The following RARB variants were observed in gnomAD, a reference collection of about 807,000 sequenced individuals.
RARB encodes retinoic acid receptor beta.
Under a neutral mutation model 51.9 loss-of-function variants are expected in RARB, and 17 were observed. The ratio of observed to expected loss-of-function variants is 0.33; its 90% CI spans 0.22 to 0.49. The LOEUF (loss-of-function observed/expected upper bound fraction) is 0.49. Among genes scored for constraint, RARB ranks in the 20% least tolerant of loss-of-function variants. The probability of loss-of-function intolerance (pLI) is 0.99; values close to 1 mark genes in which losing one functional copy is unlikely to be tolerated. For missense variants in RARB, 369 were observed against 550.8 expected, an observed-to-expected ratio of 0.67 and a Z score of 3.30; for synonymous variants, 215 against 195.4, an observed-to-expected ratio of 1.10 and a Z score of -0.84.
At chr3:25,311,317 C>T (rs1197178991) in intron 5 of RARB, among the ~76,000 whole-genome samples, 1 of 152,194 alleles carries the variant, frequency 6.6e-6, no homozygotes, top group African/African-American at 2.4e-5. Flanking sequence ...TTCTGAACCG[C>T]CCTGTGTGGA....
intron 2 of RARB, among the ~76,000 whole-genome samples, chr3:25,475,465 G>A (rs1222082987): frequency 6.6e-6 from 1 of 152,062 alleles, no homozygotes; most frequent in Non-Finnish European, 1.5e-5. Context: ...TTACTATTAA[G>A]TAATTAGTAT....
At chr3:24,914,002 A>C (rs1202770539) in intron 2 of RARB, among the ~76,000 whole-genome samples, 3 of 152,230 alleles carry the variant, frequency 2.0e-5, no homozygotes, top group Non-Finnish European at 4.4e-5. Flanking sequence ...AGTCAGCCAG[A>C]TGCAAAAGGT....
At chr3:24,971,743 C>G (rs996433816) in intron 2 of RARB, among the ~76,000 whole-genome samples, 11 of 151,930 alleles carry the variant, frequency 7.2e-5, no homozygotes, top group African/African-American at 2.7e-4. Context: ...ATAACTTGGG[C>G]TTGGTATGCG....
chr3:24,928,036 T>A (rs768992737), intron 2 of RARB, among the ~76,000 whole-genome samples: 26 of 152,204 alleles, frequency 1.7e-4, no homozygotes, highest in Admixed American at 5.9e-4. Context: ...CAAGGGGTTA[T>A]AAATATTTTT....
At chr3:25,178,317 A>G (rs1386233973) in intron 5 of RARB, among the ~76,000 whole-genome samples, 2 of 152,118 alleles carry the variant, frequency 1.3e-5, no homozygotes, top group Non-Finnish European at 2.9e-5. Context: ...GGGGAGTTAA[A>G]ATATGTAATT....
At chr3:25,052,299 CCTAA>C (rs1698348359) in intron 2 of RARB, among the ~76,000 whole-genome samples, 1 of 152,142 alleles carries the variant, frequency 6.6e-6, no homozygotes, top group Non-Finnish European at 1.5e-5. Flanking sequence ...GACCATCACA[CCTAA>C]CTGCCTCCCA....
intron 5 of RARB, among the ~76,000 whole-genome samples, chr3:25,309,374 C>T (rs1436868389): frequency 1.3e-5 from 2 of 150,474 alleles, no homozygotes; most frequent in African/African-American, 2.4e-5. Context: ...CTCCTGACCT[C>T]GTGATCCACC....
At chr3:25,488,701 A>G (rs1696586438) in intron 2 of RARB, among the ~76,000 whole-genome samples, 2 of 152,248 alleles carry the variant, frequency 1.3e-5, no homozygotes, top group Admixed American at 6.5e-5. Flanking sequence ...TAATTTTGAT[A>G]CAGGAAATAG....
chr3:25,475,953 C>T (rs1211590295), intron 2 of RARB, among the ~76,000 whole-genome samples: 1 of 152,208 alleles, frequency 6.6e-6, no homozygotes, highest in Non-Finnish European at 1.5e-5. Context: ...GTCACTCACA[C>T]CATGTGTCCA....
intron 2 of RARB, among the ~76,000 whole-genome samples, chr3:25,008,316 T>G (rs1697319507): frequency 6.6e-6 from 1 of 152,154 alleles, no homozygotes; most frequent in Non-Finnish European, 1.5e-5. Context: ...CTCTCCTATT[T>G]ACCCATTTCC....
chr3:25,593,743 TGAA>T (rs763099706), intron 6 of RARB, 36 bp downstream of exon 6: 23 of 1,587,478 alleles, frequency 1.4e-5, no homozygotes, highest in Non-Finnish European at 1.9e-5. Flanking sequence ...TGAAATTCCA[TGAA>T]GAACAGTTTA....
intron 5 of RARB, among the ~76,000 whole-genome samples, chr3:25,355,047 A>C (rs1285072070): frequency 6.6e-6 from 1 of 152,162 alleles, no homozygotes; most frequent in African/African-American, 2.4e-5. Context: ...CTGGGTCTAC[A>C]GTCAACATCC....
At chr3:25,488,060 A>G (rs1182644151) in intron 2 of RARB, among the ~76,000 whole-genome samples, 1 of 152,210 alleles carries the variant, frequency 6.6e-6, no homozygotes, top group African/African-American at 2.4e-5. Flanking sequence ...TGTTGACAGT[A>G]TGGGGAATTG....
At chr3:25,065,431 A>G (rs967885784) in intron 3 of RARB, among the ~76,000 whole-genome samples, 4 of 152,194 alleles carry the variant, frequency 2.6e-5, no homozygotes, top group Non-Finnish European at 5.9e-5. Context: ...AGTAGAATAA[A>G]TGAATCTTTG....
chr3:25,287,532 G>A (rs571981783), intron 5 of RARB, among the ~76,000 whole-genome samples: 1 of 152,226 alleles, frequency 6.6e-6, no homozygotes, highest in Admixed American at 6.5e-5. Flanking sequence ...ATCCTATCCT[G>A]GTCCACACAC....
chr3:25,234,364 C>T (rs908009384), intron 5 of RARB, among the ~76,000 whole-genome samples: 3 of 151,996 alleles, frequency 2.0e-5, no homozygotes, highest in Non-Finnish European at 2.9e-5. Flanking sequence ...TAGTGATATC[C>T]TCTCTTTTAT....
chr3:25,401,743 T>C (rs1255097758), intron 5 of RARB, among the ~76,000 whole-genome samples: 4 of 152,106 alleles, frequency 2.6e-5, no homozygotes, highest in African/African-American at 9.7e-5. Flanking sequence ...GGATGGAAAA[T>C]GCAGAAAACA....
rs1188526450 is a variant in RARB, at chr3:24,982,373, G to C, written c.-379-77752G>C. Among the ~76,000 whole-genome samples, 6 of 152,258 alleles carry C rather than the reference G, an allele frequency of 3.9e-5. No individual in the cohort carries two copies. The South Asian group carries it at 1.0e-3, about 26-fold the overall frequency. ...TTCTCAGAGTGTAAGAGAGCTTCAG[G>C]CTTCCTTCCAAACCAGAGTGGAACC... On this transcript the variant is annotated intron_variant, in intron 2 of 11. Coordinates refer to the RARB transcript ENST00000383772.
chr3:25,561,778 G>A (rs1300161462), intron 3 of RARB, among the ~76,000 whole-genome samples: 1 of 152,070 alleles, frequency 6.6e-6, no homozygotes, highest in East Asian at 1.9e-4. Context: ...GAAAGATCCG[G>A]CCATTATATT....
Sources: allele counts gnomAD v4.1 joint callset (sites outside exome capture counted in the v4.1 genomes callset), GRCh38; gene constraint gnomAD v4.1.1; transcripts MANE v1.5; gene names NCBI Gene and HGNC (gene_info 2026-07-23, HGNC 2026-07-21).